Variants in LINC00632 observed in about 807,000 individuals in gnomAD.
LINC00632 encodes ALDOA related specific transcript.
At chrX:140,772,112 C>A (rs1340313161) in exon 4 of LINC00632, 1 of 295,062 alleles carries the variant, frequency 3.4e-6, no homozygotes, top group Non-Finnish European at 5.9e-6. Flanking sequence ...GATAGCCTGA[C>A]CTTGACTCCT....
At chrX:140,728,590 A>G (rs936832219) in intron 2 of LINC00632, among the ~76,000 whole-genome samples, 2 of 111,020 alleles carry the variant, frequency 1.8e-5, no homozygotes, top group African/African-American at 6.6e-5. Context: ...CCCTTGACTG[A>G]AACCCTAGAT....
chrX:140,771,612 TACACAC>T (rs77229499), intron 3 of LINC00632, among the ~76,000 whole-genome samples: 33,049 of 79,114 alleles, frequency 0.42, 6,330 homozygotes, highest in South Asian at 0.45. Flanking sequence ...TTGGCATATA[TACACAC>T]ACACACACAC....
intron 2 of LINC00632, among the ~76,000 whole-genome samples, chrX:140,715,402 GTCC>G (rs1424510330): frequency 2.7e-5 from 3 of 110,815 alleles, no homozygotes; most frequent in African/African-American, 9.9e-5. Context: ...GGACCAGCCT[GTCC>G]AACATGGTGA....
In LINC00632 at chrX:140,722,248, T is replaced by C. The variant is rs951442398; in HGVS notation, n.104+10592T>C. Among the ~76,000 whole-genome samples the C allele has an allele frequency of 6.4e-5, 7 of 109,651 alleles. No individual in the cohort carries two copies. The South Asian group carries it at 2.8e-3, about 44-fold the overall frequency. ...ACCCGCAATAAACAAACATGCCCTC[T>C]AATATATGAATTCATCACACAACAC... is the stretch of plus-strand genomic sequence containing the variant. On this transcript the variant is annotated intron_variant and non_coding_transcript_variant, in intron 2 of 4. Coordinates refer to ENST00000648200, the Ensembl canonical transcript of LINC00632.
chrX:140,725,236 CATA>C (rs1194778773), intron 2 of LINC00632, among the ~76,000 whole-genome samples: 5 of 95,907 alleles, frequency 5.2e-5, no homozygotes, highest in Non-Finnish European at 1.1e-4. Flanking sequence ...ACACACATTC[CATA>C]CACACACACA....
exon 5 of LINC00632, among the ~76,000 whole-genome samples, chrX:140,787,663 G>A (rs995847615): frequency 9.0e-6 from 1 of 111,444 alleles, no homozygotes; most frequent in East Asian, 2.8e-4. Context: ...GTGTCTAACA[G>A]TTGGGGTGGT....
At chrX:140,739,306 G>C (rs1250422410) in intron 3 of LINC00632, among the ~76,000 whole-genome samples, 1 of 110,198 alleles carries the variant, frequency 9.1e-6, no homozygotes, top group Non-Finnish European at 1.9e-5. Flanking sequence ...AGCAACTTCC[G>C]CCTCCCGGGT....
chrX:140,768,643 ATATTTATTATATAT>A (rs2148399671), intron 3 of LINC00632, among the ~76,000 whole-genome samples: 1 of 33,114 alleles, frequency 3.0e-5, no homozygotes, highest in African/African-American at 5.8e-5. Flanking sequence ...ACTATATAAT[ATATTTATTATATAT>A]AATAAATCTA....
exon 4 of LINC00632, among the ~76,000 whole-genome samples, chrX:140,773,753 T>C (rs1380798264): frequency 1.8e-5 from 2 of 112,060 alleles, no homozygotes; most frequent in Non-Finnish European, 3.8e-5. Flanking sequence ...GTTCAAGTCA[T>C]CTCCATTACC....
chrX:140,766,149 G>C (rs759434469), intron 3 of LINC00632, among the ~76,000 whole-genome samples: 1 of 111,587 alleles, frequency 9.0e-6, no homozygotes, highest in Admixed American at 9.6e-5. Context: ...CGGGGGTCAC[G>C]GCAGATCCCC....
intron 2 of LINC00632, chrX:140,716,336 G>C (rs1222671327): frequency 9.0e-6 from 1 of 111,672 alleles, no homozygotes; most frequent in Non-Finnish European, 1.9e-5. Flanking sequence ...GTAAAACAAA[G>C]ATAAGAGTAG....
At chrX:140,737,053 C>T (rs985221107) in intron 3 of LINC00632, among the ~76,000 whole-genome samples, 3 of 107,116 alleles carry the variant, frequency 2.8e-5, no homozygotes, top group East Asian at 3.0e-4. Flanking sequence ...GTGCGAGCCG[C>T]GACACCTGGT....
At chrX:140,741,669 CTTTT>C (rs1931227266) in intron 3 of LINC00632, among the ~76,000 whole-genome samples, 1 of 111,858 alleles carries the variant, frequency 8.9e-6, no homozygotes, top group African/African-American at 3.3e-5. Flanking sequence ...GGAAAGGACT[CTTTT>C]GTCTCTATTG....
chrX:140,724,876 TACACACACATTCCATAC>T (rs1569348943), intron 2 of LINC00632, among the ~76,000 whole-genome samples: 6 of 74,980 alleles, frequency 8.0e-5, no homozygotes, highest in African/African-American at 2.9e-4. Context: ...ACACATTCCA[TACACACACATTCCATAC>T]ACACACACAC....
intron 2 of LINC00632, among the ~76,000 whole-genome samples, chrX:140,721,946 C>T (rs937531450): frequency 9.0e-6 from 1 of 110,993 alleles, no homozygotes. Context: ...CCAGAAACAT[C>T]ACATATCACT....
At chrX:140,764,519 C>G (rs1366475990) in intron 3 of LINC00632, 1 of 112,450 alleles carries the variant, frequency 8.9e-6, no homozygotes, top group African/African-American at 3.2e-5. Context: ...AGTCAGGAGC[C>G]GACGAATGCT....
At chrX:140,727,188 A>G (rs773543417) in intron 2 of LINC00632, among the ~76,000 whole-genome samples, 17 of 111,625 alleles carry the variant, frequency 1.5e-4, no homozygotes, top group African/African-American at 5.5e-4. Flanking sequence ...TGGTGTCTCC[A>G]TAACTTCCAC....
chrX:140,773,121 G>A (rs1466955509), exon 4 of LINC00632, among the ~76,000 whole-genome samples: 2 of 111,313 alleles, frequency 1.8e-5, no homozygotes, highest in East Asian at 2.8e-4. Flanking sequence ...AGCTGAGATC[G>A]TGCCATCGCA....
At chrX:140,729,901 G>A (rs1483551970) in intron 2 of LINC00632, among the ~76,000 whole-genome samples, 7 of 87,463 alleles carry the variant, frequency 8.0e-5, no homozygotes, top group African/African-American at 2.3e-4. Context: ...TTTTTGAGAC[G>A]GAGTCTTGCT....
Sources: gnomAD v4.1 joint callset for allele counts (sites outside exome capture counted in the v4.1 genomes callset) on GRCh38, gnomAD v4.1.1 for gene constraint, MANE v1.5 for transcripts, NCBI Gene and HGNC (gene_info 2026-07-23, HGNC 2026-07-21) for gene names.